Variants in EHBP1 observed in about 807,000 individuals in gnomAD.
EHBP1 encodes EH domain binding protein 1, also known as EH domain-binding protein 1.
In EHBP1, 55 loss-of-function variants were observed where a neutral mutation model predicts 144.0. The ratio of observed to expected loss-of-function variants is 0.38; its 90% CI spans 0.31 to 0.48. The LOEUF (loss-of-function observed/expected upper bound fraction) is 0.48, where lower values mean the gene tolerates loss of function less well. Ranked by LOEUF, EHBP1 falls within the 20% of genes least tolerant of loss-of-function variation. The pLI, the probability that EHBP1 is intolerant of heterozygous loss-of-function variation, is 0.98. For missense variants in EHBP1, 1,200 were observed against 1,364.2 expected (o/e 0.88, Z 1.90); for synonymous variants, 469 against 472.7 (o/e 0.99, Z 0.10).
chr2:62,709,575 A>G (rs2034936109), intron 2 of EHBP1, among the ~76,000 whole-genome samples: 1 of 152,098 alleles, frequency 6.6e-6, no homozygotes, highest in East Asian at 1.9e-4. Flanking sequence ...GTTATTGCTA[A>G]TGTGTCTAAA....
At chr2:62,996,885 T>A in intron 19 of EHBP1, 119 bp downstream of exon 19, 2 of 1,438,756 alleles carry the variant, frequency 1.4e-6, no homozygotes, top group South Asian at 1.3e-5. Context: ...GCCTTGAAAA[T>A]AAAAAGGCTG....
intron 16 of EHBP1, among the ~76,000 whole-genome samples, chr2:62,991,579 T>TG: frequency 6.6e-6 from 1 of 152,340 alleles, no homozygotes; most frequent in South Asian, 2.1e-4. Flanking sequence ...TAAGATAACT[T>TG]GCATGTGTTT....
chr2:62,970,117 T>G (rs771094986), intron 14 of EHBP1, among the ~76,000 whole-genome samples: 4 of 151,710 alleles, frequency 2.6e-5, no homozygotes, highest in Admixed American at 6.6e-5. Context: ...CGGTCCATTC[T>G]GAATGCCTAA....
intron 5 of EHBP1, among the ~76,000 whole-genome samples, chr2:62,803,808 A>T (rs1366488051): frequency 6.6e-6 from 1 of 152,278 alleles, no homozygotes; most frequent in Non-Finnish European, 1.5e-5. Flanking sequence ...TGTGTCTTTT[A>T]TGCGGTACAG....
chr2:62,991,674 C>T (rs1309204007), intron 16 of EHBP1, among the ~76,000 whole-genome samples: 3 of 152,086 alleles, frequency 2.0e-5, no homozygotes, highest in Non-Finnish European at 4.4e-5. Context: ...TTATATTATT[C>T]CCACCCACAT....
At chr2:62,699,937 G>A (rs2034225889) in intron 1 of EHBP1, among the ~76,000 whole-genome samples, 1 of 152,182 alleles carries the variant, frequency 6.6e-6, no homozygotes, top group Admixed American at 6.5e-5. Flanking sequence ...TAGATGCTGT[G>A]GAGCTGGACA....
chr2:62,719,516 T>A (rs200862578), intron 2 of EHBP1, among the ~76,000 whole-genome samples: 2 of 152,294 alleles, frequency 1.3e-5, no homozygotes, highest in East Asian at 3.9e-4. Context: ...GCAAGAGATG[T>A]TTAACAATTT....
chr2:62,865,447 AG>A (rs1207275367), intron 9 of EHBP1, among the ~76,000 whole-genome samples: 4 of 152,226 alleles, frequency 2.6e-5, no homozygotes. Context: ...CAGTATGAAT[AG>A]ACTGTGTAAT....
intron 1 of EHBP1, among the ~76,000 whole-genome samples, chr2:62,678,375 G>A (rs538804570): frequency 6.6e-6 from 1 of 152,132 alleles, no homozygotes; most frequent in East Asian, 1.9e-4. Flanking sequence ...TATATATTCT[G>A]GTTATTAATC....
intron 9 of EHBP1, among the ~76,000 whole-genome samples, chr2:62,865,192 A>G (rs1370388964): frequency 6.6e-6 from 1 of 152,226 alleles, no homozygotes; most frequent in Non-Finnish European, 1.5e-5. Context: ...TGAGGAAGAT[A>G]TATTCCTAGA....
intron 5 of EHBP1, among the ~76,000 whole-genome samples, chr2:62,796,557 C>T (rs1313795209): frequency 6.6e-6 from 1 of 152,100 alleles, no homozygotes; most frequent in Non-Finnish European, 1.5e-5. Flanking sequence ...TGTCTTAATT[C>T]TTTCCACACA....
Position 62,747,391 on chromosome 2 carries a change from G to C in EHBP1, c.105-4G>C, listed in dbSNP as rs12465326. The stretch of plus-strand genomic sequence containing the variant: ...TTATGTTTAACTTTTTTTTTGTTTG[G>C]CAGGCAACCAGATAAACTGGTGGTA... On this transcript the variant is annotated splice_region_variant and splice_polypyrimidine_tract_variant and intron_variant, in intron 2 of 22. Coordinates refer to ENST00000431489, the MANE Select transcript of EHBP1 (RefSeq NM_001142616.3). 3.2e-3 allele frequency: 5,107 copies of C among 1,605,240 alleles called. 7 individuals are homozygous for C. Among genetic ancestry groups the C allele is most frequent in the Admixed American group, 4.2e-3 (247 of 59,258 alleles).
chr2:62,861,572 G>A (rs1214870724), intron 8 of EHBP1, among the ~76,000 whole-genome samples: 1 of 151,612 alleles, frequency 6.6e-6, no homozygotes, highest in Non-Finnish European at 1.5e-5. Flanking sequence ...GGTGAAACCC[G>A]TCTCTACTTA....
At chr2:62,741,308 G>T (rs182687678) in intron 2 of EHBP1, among the ~76,000 whole-genome samples, 3 of 152,156 alleles carry the variant, frequency 2.0e-5, no homozygotes, top group Admixed American at 1.3e-4. Flanking sequence ...GGTGCTTCTT[G>T]TAACGCCTCT....
At chr2:62,937,142 C>G (rs2056438606) in intron 10 of EHBP1, among the ~76,000 whole-genome samples, 1 of 152,184 alleles carries the variant, frequency 6.6e-6, no homozygotes, top group Non-Finnish European at 1.5e-5. Context: ...GGGCAGCGAT[C>G]TAACCTCTGA....
At chr2:63,020,323 C>CAAAAAAAAAAAAA (rs1001418542) in intron 19 of EHBP1, among the ~76,000 whole-genome samples, 4 of 45,254 alleles carry the variant, frequency 8.8e-5, no homozygotes, top group African/African-American at 1.7e-4. Context: ...GACTCTGTCT[C>CAAAAAAAAAAAAA]AAAAAAAAAA....
In EHBP1 at chr2:62,955,670, AT is replaced by A; in HGVS notation, c.2460+12del. On this transcript the variant is annotated intron_variant, in intron 14 of 22. Transcript: ENST00000431489. The stretch of plus-strand genomic sequence containing the variant: ...CAGGCAGCTAAGTGATGTGAGGAGC[AT>A]TGGTTAAAAAAGACCATAAGTTGTT... 6.2e-7 allele frequency: 1 copy of A among 1,600,042 alleles called. No homozygotes were observed. The highest frequency in any genetic ancestry group is 1.3e-5 in the African/African-American group (1 of 74,416).
intron 15 of EHBP1, among the ~76,000 whole-genome samples, chr2:62,986,100 T>C (rs1337381498): frequency 6.6e-6 from 1 of 152,154 alleles, no homozygotes; most frequent in Non-Finnish European, 1.5e-5. Context: ...CTACATTAGA[T>C]CCCTAAAAAC....
intron 2 of EHBP1, among the ~76,000 whole-genome samples, chr2:62,733,899 G>C (rs2037856204): frequency 6.6e-6 from 1 of 152,290 alleles, no homozygotes; most frequent in Non-Finnish European, 1.5e-5. Flanking sequence ...GGAGCATACT[G>C]GTTCCTGGAC....
Sources: allele counts gnomAD v4.1 joint callset (sites outside exome capture counted in the v4.1 genomes callset), GRCh38; gene constraint gnomAD v4.1.1; transcripts MANE v1.5; gene names NCBI Gene and HGNC (gene_info 2026-07-23, HGNC 2026-07-21).